Variants in SMOC2 observed in about 807,000 individuals in gnomAD.
The protein encoded by SMOC2 is SPARC related modular calcium binding 2, also known as SPARC-related modular calcium-binding protein 2.
SMOC2 carries 39 observed loss-of-function variants against 61.4 expected under a neutral mutation model. That is an observed-to-expected ratio of 0.64 (90% CI 0.49 to 0.83). The LOEUF is 0.83. SMOC2 is among the 40% of genes least tolerant of loss of function. The probability of loss-of-function intolerance (pLI) is 0.00; values close to 1 mark genes in which losing one functional copy is unlikely to be tolerated. For missense variants in SMOC2, 556 were observed against 592.9 expected, an observed-to-expected ratio of 0.94 and a Z score of 0.65; for synonymous variants, 247 against 239.9, an observed-to-expected ratio of 1.03 and a Z score of -0.27.
intron 7 of SMOC2, among the ~76,000 whole-genome samples, chr6:168,597,273 G>A (rs187183021): frequency 4.6e-5 from 7 of 152,302 alleles, no homozygotes; most frequent in Admixed American, 6.5e-5. Context: ...ATAAAATTAC[G>A]AATCTGATTA....
chr6:168,546,616 G>A (rs1784009994), intron 5 of SMOC2, among the ~76,000 whole-genome samples: 1 of 152,110 alleles, frequency 6.6e-6, no homozygotes, highest in African/African-American at 2.4e-5. Context: ...GAGAGAGGGA[G>A]GGCCAGAGGT....
At chr6:168,462,767 T>C (rs893155264) in intron 1 of SMOC2, among the ~76,000 whole-genome samples, 8 of 152,104 alleles carry the variant, frequency 5.3e-5, no homozygotes, top group Admixed American at 3.9e-4. Context: ...TGTGTCGAGG[T>C]GGTGCATCTC....
intron 1 of SMOC2, among the ~76,000 whole-genome samples, chr6:168,497,456 G>T (rs1782619187): frequency 6.6e-6 from 1 of 152,180 alleles, no homozygotes; most frequent in African/African-American, 2.4e-5. Flanking sequence ...GGCCTCCGCG[G>T]CATGTGGTGG....
chr6:168,540,413 T>G (rs1335013357), intron 4 of SMOC2, among the ~76,000 whole-genome samples: 1 of 152,220 alleles, frequency 6.6e-6, no homozygotes, highest in Non-Finnish European at 1.5e-5. Flanking sequence ...CAGCACATCT[T>G]TGGTGAACAT....
At chr6:168,529,107 A>T (rs1783522396) in intron 4 of SMOC2, among the ~76,000 whole-genome samples, 1 of 152,212 alleles carries the variant, frequency 6.6e-6, no homozygotes, top group Non-Finnish European at 1.5e-5. Flanking sequence ...TGTACGATCT[A>T]CAAATAGTGG....
At chr6:168,659,682 G>A (rs1787441367) in intron 11 of SMOC2, among the ~76,000 whole-genome samples, 1 of 149,958 alleles carries the variant, frequency 6.7e-6, no homozygotes, top group Non-Finnish European at 1.5e-5. Flanking sequence ...GAGGGTGGAG[G>A]TTGTAGGTAG....
chr6:168,458,580 C>A (rs1199156318), intron 1 of SMOC2, among the ~76,000 whole-genome samples: 3 of 152,144 alleles, frequency 2.0e-5, no homozygotes, highest in African/African-American at 7.2e-5. Flanking sequence ...ACACCCTTTG[C>A]CTTCATTGCT....
At chr6:168,580,003 A>G (rs1583128779) in intron 7 of SMOC2, among the ~76,000 whole-genome samples, 1 of 152,142 alleles carries the variant, frequency 6.6e-6, no homozygotes, top group East Asian at 1.9e-4. Context: ...GTAGGAGGTT[A>G]GTGTGGGAGG....
chr6:168,608,323 C>T, intron 9 of SMOC2, 84 bp downstream of exon 9: 1 of 1,424,690 alleles, frequency 7.0e-7, no homozygotes. Flanking sequence ...AAGACTTTAT[C>T]TGACTCTGTT....
intron 7 of SMOC2, among the ~76,000 whole-genome samples, chr6:168,555,995 G>A (rs1290764074): frequency 6.6e-6 from 1 of 152,326 alleles, no homozygotes; most frequent in East Asian, 1.9e-4. Flanking sequence ...CAGGGCCTCT[G>A]AGCGACACCA....
intron 11 of SMOC2, among the ~76,000 whole-genome samples, chr6:168,659,973 AT>A (rs1787463958): frequency 2.2e-5 from 1 of 45,116 alleles, no homozygotes; most frequent in Non-Finnish European, 4.7e-5. Context: ...GTTGTAGATT[AT>A]AGGCTGAGTG....
chr6:168,646,866 G>A (rs1787045810), intron 9 of SMOC2, among the ~76,000 whole-genome samples: 1 of 152,202 alleles, frequency 6.6e-6, no homozygotes, highest in Admixed American at 6.5e-5. Flanking sequence ...CAGATCAGCT[G>A]GAGCACCTGA....
Position 168,608,145 on chromosome 6 carries a change from C to A in SMOC2, c.825-12C>A, listed in dbSNP as rs1407752777. 1.2e-6 allele frequency: 2 copies of A among 1,612,474 alleles called. No homozygotes were observed. Among genetic ancestry groups the A allele is most frequent in the East Asian group, 4.5e-5 (2 of 44,806 alleles). ...TTTCTCTCTCCTTCCCCCGCCTTCC[C>A]CCCGCCCATAGGTACGAGCAGCCGA... On this transcript the variant is annotated splice_polypyrimidine_tract_variant and intron_variant, in intron 8 of 12. Coordinates refer to ENST00000356284, the MANE Select transcript of SMOC2 (RefSeq NM_001166412.2).
At chr6:168,493,884 C>T (rs1782526726) in intron 1 of SMOC2, among the ~76,000 whole-genome samples, 1 of 152,010 alleles carries the variant, frequency 6.6e-6, no homozygotes, top group Admixed American at 6.6e-5. Context: ...TTAATTGGTT[C>T]TTGCTATTCA....
At chr6:168,543,884 G>C (rs1783932373) in intron 5 of SMOC2, among the ~76,000 whole-genome samples, 1 of 152,152 alleles carries the variant, frequency 6.6e-6, no homozygotes, top group Non-Finnish European at 1.5e-5. Flanking sequence ...TGTTGGACCT[G>C]TGCTCCGAGG....
intron 4 of SMOC2, among the ~76,000 whole-genome samples, chr6:168,530,583 T>C (rs1272576596): frequency 6.6e-6 from 1 of 150,868 alleles, no homozygotes; most frequent in African/African-American, 2.5e-5. Context: ...AAAGTCACCG[T>C]GCAACTCCCC....
chr6:168,603,687 G>A (rs1238928880), intron 8 of SMOC2, among the ~76,000 whole-genome samples: 2 of 148,810 alleles, frequency 1.3e-5, no homozygotes, highest in East Asian at 4.0e-4. Context: ...GTAAACATGT[G>A]GTATAATGTC....
intron 7 of SMOC2, among the ~76,000 whole-genome samples, chr6:168,581,335 G>A (rs1018352606): frequency 1.1e-4 from 17 of 152,088 alleles, no homozygotes; most frequent in Non-Finnish European, 1.3e-4. Context: ...AAACCCCTAC[G>A]GGGACATCTG....
chr6:168,567,374 A>G (rs9456190), intron 7 of SMOC2, among the ~76,000 whole-genome samples: 3,204 of 152,324 alleles, frequency 0.021, 123 homozygotes, highest in African/African-American at 0.072. Flanking sequence ...AAAATGTATC[A>G]GAAGTTAAAT....
Sources: allele counts gnomAD v4.1 joint callset (sites outside exome capture counted in the v4.1 genomes callset), GRCh38; gene constraint gnomAD v4.1.1; transcripts MANE v1.5; gene names NCBI Gene and HGNC (gene_info 2026-07-23, HGNC 2026-07-21).